The following DDX10 variants were observed in gnomAD, a reference collection of about 807,000 sequenced individuals.
The protein encoded by DDX10 is DEAD-box helicase 10, also known as probable ATP-dependent RNA helicase DDX10.
In DDX10, 74 loss-of-function variants were observed where a neutral mutation model predicts 104.3. The ratio of observed to expected loss-of-function variants is 0.71; its 90% CI spans 0.59 to 0.86. The LOEUF (loss-of-function observed/expected upper bound fraction) is 0.86, where lower values mean the gene tolerates loss of function less well. DDX10 is among the 40% of genes least tolerant of loss of function. The pLI, the probability that DDX10 is intolerant of heterozygous loss-of-function variation, is 0.00. For missense variants in DDX10, 952 were observed against 1,040.0 expected (o/e 0.92, Z 1.16); for synonymous variants, 351 against 353.4 (o/e 0.99, Z 0.08).
chr11:108,718,452 C>G (rs1219527065), intron 11 of DDX10, among the ~76,000 whole-genome samples: 1 of 152,152 alleles, frequency 6.6e-6, no homozygotes, highest in Non-Finnish European at 1.5e-5. Flanking sequence ...ATCCTTCAAA[C>G]TTGCAGTTGA....
At chr11:108,759,887 A>G (rs530856571) in intron 13 of DDX10, among the ~76,000 whole-genome samples, 10 of 152,054 alleles carry the variant, frequency 6.6e-5, no homozygotes. Context: ...TAAAGAGGGA[A>G]TTTTATGGCC....
intron 13 of DDX10, among the ~76,000 whole-genome samples, chr11:108,787,349 G>A (rs563985406): frequency 1.3e-5 from 2 of 152,006 alleles, no homozygotes; most frequent in East Asian, 1.9e-4. Flanking sequence ...ATAGTATCTC[G>A]CGTGGGTTCT....
At chr11:108,722,845 T>A in intron 12 of DDX10, 152 bp from the exon 13 acceptor site, 6 of 1,234,542 alleles carry the variant, frequency 4.9e-6, no homozygotes, top group Non-Finnish European at 6.5e-6. Context: ...ACTTTTTGGA[T>A]CAACTAACCT....
chr11:108,668,893 C>T lies in DDX10; in HGVS notation c.186+3554C>T, dbSNP rs946218200. On this transcript the variant is annotated intron_variant, in intron 1 of 17. Coordinates refer to ENST00000322536, the MANE Select transcript of DDX10 (RefSeq NM_004398.4). ...TTAGGGGAAGTTGAGTTATCCTATA[C>T]TGAGCTCCTTCTGGTCAGATGCATT... is the stretch of plus-strand genomic sequence containing the variant. 2.0e-5 allele frequency among the ~76,000 whole-genome samples: 3 copies of T among 152,082 alleles called. 1 individual carries two copies. The South Asian group carries it at 6.2e-4, about 32-fold the overall frequency.
chr11:108,714,833 A>G (rs1456974050), intron 10 of DDX10, among the ~76,000 whole-genome samples: 4 of 152,128 alleles, frequency 2.6e-5, no homozygotes, highest in Non-Finnish European at 4.4e-5. Flanking sequence ...AGGAGAGTTG[A>G]GGATGTAGAA....
intron 13 of DDX10, among the ~76,000 whole-genome samples, chr11:108,806,871 A>G (rs985663175): frequency 2.5e-4 from 38 of 152,206 alleles, no homozygotes; most frequent in Non-Finnish European, 3.4e-4. Flanking sequence ...GATTAGAGAC[A>G]GTGATGAGTG....
chr11:108,851,382 T>G (rs1022318643), intron 15 of DDX10, among the ~76,000 whole-genome samples: 7 of 152,154 alleles, frequency 4.6e-5, no homozygotes, highest in Non-Finnish European at 1.0e-4. Context: ...ATCCTCAAAA[T>G]CAGTAATTGG....
chr11:108,717,265 T>C (rs1255314593), intron 11 of DDX10, among the ~76,000 whole-genome samples: 2 of 152,322 alleles, frequency 1.3e-5, no homozygotes, highest in East Asian at 3.9e-4. Flanking sequence ...TAGGGTTTTA[T>C]GTAATGGTTT....
chr11:108,794,954 A>G (rs1861919830), intron 13 of DDX10, among the ~76,000 whole-genome samples: 2 of 151,658 alleles, frequency 1.3e-5, no homozygotes, highest in Non-Finnish European at 2.9e-5. Context: ...TAGCCTCCCC[A>G]ATAGCTGGGA....
intron 16 of DDX10, among the ~76,000 whole-genome samples, chr11:108,890,785 A>G (rs1160282307): frequency 6.6e-6 from 1 of 152,184 alleles, no homozygotes; most frequent in East Asian, 1.9e-4. Flanking sequence ...ATATTTAGAA[A>G]TGAGGGAGGA....
At chr11:108,766,641 A>G (rs1211950790) in intron 13 of DDX10, among the ~76,000 whole-genome samples, 2 of 152,234 alleles carry the variant, frequency 1.3e-5, no homozygotes, top group East Asian at 1.9e-4. Context: ...ACAAAACGAT[A>G]TGGAGGAAAT....
At chr11:108,902,987 A>G (rs558231710) in intron 16 of DDX10, among the ~76,000 whole-genome samples, 90 of 152,186 alleles carry the variant, frequency 5.9e-4, no homozygotes, top group Admixed American at 1.7e-3. Flanking sequence ...GCAGTCTTCA[A>G]AAAGTTAGTC....
chr11:108,809,200 G>T (rs757783523), intron 13 of DDX10, among the ~76,000 whole-genome samples: 12 of 152,170 alleles, frequency 7.9e-5, no homozygotes, highest in Non-Finnish European at 1.5e-5. Context: ...GTAGGCCACT[G>T]TACTGACTCA....
chr11:108,736,257 T>G (rs1267272397), intron 13 of DDX10, among the ~76,000 whole-genome samples: 1 of 152,066 alleles, frequency 6.6e-6, no homozygotes, highest in African/African-American at 2.4e-5. Flanking sequence ...TTCTTCTGTT[T>G]GTTTCTTCTG....
intron 13 of DDX10, among the ~76,000 whole-genome samples, chr11:108,723,867 C>T (rs1459524923): frequency 6.6e-6 from 1 of 152,104 alleles, no homozygotes; most frequent in Non-Finnish European, 1.5e-5. Context: ...ATAAGTTTTA[C>T]TCTTAGTGCG....
At chr11:108,712,668 A>G (rs532380131) in intron 10 of DDX10, among the ~76,000 whole-genome samples, 38 of 152,270 alleles carry the variant, frequency 2.5e-4, no homozygotes, top group Non-Finnish European at 3.8e-4. Flanking sequence ...ATATATACAT[A>G]AACATACATA....
At chr11:108,786,377 A>G (rs575615424) in intron 13 of DDX10, among the ~76,000 whole-genome samples, 26 of 152,174 alleles carry the variant, frequency 1.7e-4, no homozygotes, top group Admixed American at 3.9e-4. Flanking sequence ...CAGTTGTTCA[A>G]GTATCGAGTT....
chr11:108,845,010 C>T, intron 15 of DDX10, among the ~76,000 whole-genome samples: 1 of 152,060 alleles, frequency 6.6e-6, no homozygotes, highest in East Asian at 1.9e-4. Flanking sequence ...TCCTGGCTAA[C>T]ACAGTGAAAC....
At chr11:108,789,127 C>T (rs12807367) in intron 13 of DDX10, among the ~76,000 whole-genome samples, 10,135 of 152,208 alleles carry the variant, frequency 0.067, 386 homozygotes, top group Middle Eastern at 0.13. Flanking sequence ...AAAGGAAGTT[C>T]TAAATAATTG....
Sources: gnomAD v4.1 joint callset for allele counts (sites outside exome capture counted in the v4.1 genomes callset) on GRCh38, gnomAD v4.1.1 for gene constraint, MANE v1.5 for transcripts, NCBI Gene and HGNC (gene_info 2026-07-23, HGNC 2026-07-21) for gene names.